PTPN9: variants seen among roughly 807,000 people sequenced by gnomAD.
PTPN9 encodes the protein tyrosine-protein phosphatase non-receptor type 9.
A neutral mutation model predicts 69.8 loss-of-function variants in PTPN9; 26 were observed. The observed-to-expected ratio is 0.37, with a 90% CI of 0.27 to 0.52. PTPN9 has a LOEUF of 0.52. Ranked by LOEUF, PTPN9 falls within the 20% of genes least tolerant of loss-of-function variation. The probability of loss-of-function intolerance (pLI) is 0.91; values close to 1 mark genes in which losing one functional copy is unlikely to be tolerated. For missense variants in PTPN9, 549 were observed against 740.3 expected, an observed-to-expected ratio of 0.74 and a Z score of 3.00; for synonymous variants, 274 against 272.5, an observed-to-expected ratio of 1.01 and a Z score of -0.05.
chr15:75,482,356 G>C (rs1224613256), intron 8 of PTPN9, among the ~76,000 whole-genome samples: 1 of 152,146 alleles, frequency 6.6e-6, no homozygotes, highest in Non-Finnish European at 1.5e-5. Context: ...ACGAGGTCAG[G>C]AGATCGAGAC....
chr15:75,530,728 T>TATATATTATTATATAATATATATAAA (rs2074957334), intron 1 of PTPN9, among the ~76,000 whole-genome samples: 10 of 22,242 alleles, frequency 4.5e-4, no homozygotes, highest in African/African-American at 4.4e-3. Flanking sequence ...ATATATATAA[T>TATATATTATTATATAATATATATAAA]ATATATTATT....
intron 1 of PTPN9, among the ~76,000 whole-genome samples, chr15:75,531,719 C>A (rs890731614): frequency 6.6e-6 from 1 of 151,954 alleles, no homozygotes; most frequent in East Asian, 1.9e-4. Context: ...CCACCACACC[C>A]GGCTAATTTT....
intron 3 of PTPN9, 93 bp downstream of exon 3, chr15:75,524,116 T>TTAAAAAAAAAAAAAAAAAAAAA (rs2074916641): frequency 4.6e-6 from 2 of 436,052 alleles, no homozygotes; most frequent in East Asian, 7.8e-5. Context: ...AATAATAAAA[T>TTAAAAAAAAAAAAAAAAAAAAA]TAAAAAAAAA....
At chr15:75,525,869 G>A (rs931395384) in intron 2 of PTPN9, among the ~76,000 whole-genome samples, 1 of 151,830 alleles carries the variant, frequency 6.6e-6, no homozygotes, top group African/African-American at 2.4e-5. Context: ...GATCTGCAGT[G>A]AGCTGAGATC....
chr15:75,575,573 T>G (rs2075168259), intron 1 of PTPN9, among the ~76,000 whole-genome samples: 1 of 152,204 alleles, frequency 6.6e-6, no homozygotes, highest in Non-Finnish European at 1.5e-5. Flanking sequence ...ACCACTTTGA[T>G]AAGGCTAACA....
chr15:75,544,096 G>A (rs1314854799), intron 1 of PTPN9, among the ~76,000 whole-genome samples: 1 of 152,188 alleles, frequency 6.6e-6, no homozygotes, highest in Non-Finnish European at 1.5e-5. Context: ...AGAATTCCCA[G>A]AGACAACAGA....
At chr15:75,534,823 A>G (rs1032957500) in intron 1 of PTPN9, among the ~76,000 whole-genome samples, 5 of 151,954 alleles carry the variant, frequency 3.3e-5, no homozygotes, top group African/African-American at 1.2e-4. Flanking sequence ...GAAAACAAAA[A>G]TTAACCAGGT....
chr15:75,559,080 T>C (rs1295092574), intron 1 of PTPN9, among the ~76,000 whole-genome samples: 3 of 151,088 alleles, frequency 2.0e-5, no homozygotes, highest in Admixed American at 6.6e-5. Context: ...GTCTAGGAAG[T>C]GAGGAGCGTC....
intron 4 of PTPN9, among the ~76,000 whole-genome samples, chr15:75,521,289 CAAAAA>C (rs75296706): frequency 4.4e-5 from 4 of 91,352 alleles, no homozygotes. Flanking sequence ...ACTAAAAATA[CAAAAA>C]AAAAAAAAAA....
chr15:75,572,806 G>C (rs900383388), intron 1 of PTPN9, among the ~76,000 whole-genome samples: 2 of 152,146 alleles, frequency 1.3e-5, no homozygotes, highest in Admixed American at 6.6e-5. Context: ...TTTTATTGTA[G>C]TTGTGACCAC....
intron 1 of PTPN9, among the ~76,000 whole-genome samples, chr15:75,572,376 G>A (rs937228307): frequency 2.8e-4 from 43 of 151,918 alleles, no homozygotes; most frequent in Admixed American, 2.8e-3. Context: ...CTTATATGTA[G>A]AAATTGTCCT....
chr15:75,538,002 T>C (rs1418886938), intron 1 of PTPN9, among the ~76,000 whole-genome samples: 1 of 151,986 alleles, frequency 6.6e-6, no homozygotes, highest in Non-Finnish European at 1.5e-5. Flanking sequence ...GAGGTTGCAG[T>C]GAGCCAAGAT....
At chr15:75,569,620 G>A (rs951145673) in intron 1 of PTPN9, among the ~76,000 whole-genome samples, 3 of 147,702 alleles carry the variant, frequency 2.0e-5, no homozygotes, top group African/African-American at 5.0e-5. Flanking sequence ...CTGGAAAATC[G>A]CTTGAACCCA....
intron 8 of PTPN9, among the ~76,000 whole-genome samples, chr15:75,485,220 A>G (rs549640690): frequency 1.1e-4 from 17 of 152,304 alleles, no homozygotes; most frequent in African/African-American, 4.1e-4. Flanking sequence ...TGGCACATGC[A>G]AATGGTATAC....
intron 1 of PTPN9, among the ~76,000 whole-genome samples, chr15:75,561,531 C>T (rs2075103912): frequency 6.6e-6 from 1 of 151,900 alleles, no homozygotes; most frequent in Admixed American, 6.6e-5. Context: ...TCCCATTATA[C>T]TCACTGTGGT....
intron 7 of PTPN9, among the ~76,000 whole-genome samples, chr15:75,502,790 T>C (rs1214363952): frequency 6.6e-6 from 1 of 152,154 alleles, no homozygotes; most frequent in East Asian, 1.9e-4. Flanking sequence ...CACTGAGTAC[T>C]GGAATAGAGA....
At chr15:75,536,995 A>T (rs2074984929) in intron 1 of PTPN9, among the ~76,000 whole-genome samples, 2 of 152,180 alleles carry the variant, frequency 1.3e-5, no homozygotes, top group South Asian at 4.1e-4. Context: ...AATATTATTA[A>T]CATTTAGAGG....
At chr15:75,564,693 C>T (rs910501326) in intron 1 of PTPN9, among the ~76,000 whole-genome samples, 2 of 151,952 alleles carry the variant, frequency 1.3e-5, no homozygotes, top group Admixed American at 1.3e-4. Context: ...TGCAGTGGCT[C>T]ATGCCTGTAT....
At chr15:75,505,390 C>T (rs2074813244) in intron 7 of PTPN9, among the ~76,000 whole-genome samples, 1 of 149,316 alleles carries the variant, frequency 6.7e-6, no homozygotes, top group Non-Finnish European at 1.5e-5. Flanking sequence ...GCCAACCTTC[C>T]CTCCACTATT....
Sources: gnomAD v4.1 joint callset for allele counts (sites outside exome capture counted in the v4.1 genomes callset) on GRCh38, gnomAD v4.1.1 for gene constraint, MANE v1.5 for transcripts, NCBI Gene and HGNC (gene_info 2026-07-23, HGNC 2026-07-21) for gene names.